Variants in BCR observed in about 807,000 individuals in gnomAD.
BCR encodes the protein breakpoint cluster region protein.
In BCR, 58 loss-of-function variants were observed where a neutral mutation model predicts 138.6. That is an observed-to-expected ratio of 0.42 (90% confidence interval 0.34 to 0.52). The LOEUF (loss-of-function observed/expected upper bound fraction) is 0.52, where lower values mean the gene tolerates loss of function less well. Among genes scored for constraint, BCR ranks in the 20% least tolerant of loss-of-function variants. The probability of loss-of-function intolerance (pLI) is 0.06; values close to 1 mark genes in which losing one functional copy is unlikely to be tolerated. For missense variants in BCR, 1,599 were observed against 1,727.2 expected (o/e 0.93, Z 1.32); for synonymous variants, 786 against 730.1 (o/e 1.08, Z -1.23).
intron 4 of BCR, among the ~76,000 whole-genome samples, chr22:23,266,561 T>C (rs2073443735): frequency 6.6e-6 from 1 of 152,164 alleles, no homozygotes; most frequent in Admixed American, 6.5e-5. Context: ...GTCTAATTTT[T>C]GTATTTTCAG....
chr22:23,233,200 TC>T (rs2072978329), intron 1 of BCR, among the ~76,000 whole-genome samples: 1 of 152,180 alleles, frequency 6.6e-6, no homozygotes, highest in African/African-American at 2.4e-5. Flanking sequence ...TGCCTGTAGT[TC>T]CATCTCCTGC....
chr22:23,189,978 G>A (rs28637025), intron 1 of BCR, among the ~76,000 whole-genome samples: 4,608 of 152,274 alleles, frequency 0.03, 248 homozygotes, highest in African/African-American at 0.11. Flanking sequence ...ACCAAGACTG[G>A]GTGGCTTAAA....
At chr22:23,280,541 C>A (rs2073631714) in intron 8 of BCR, among the ~76,000 whole-genome samples, 1 of 152,216 alleles carries the variant, frequency 6.6e-6, no homozygotes, top group African/African-American at 2.4e-5. Context: ...CTGCAGGTCG[C>A]AGTTTCATTT....
intron 1 of BCR, among the ~76,000 whole-genome samples, chr22:23,226,327 AGTGT>A (rs751492915): frequency 0.041 from 1,888 of 46,152 alleles, 22 homozygotes; most frequent in Admixed American, 0.083. Context: ...AGAGAGAGAG[AGTGT>A]GTGTGTGTGT....
chr22:23,225,927 T>C (rs1159998795), intron 1 of BCR, among the ~76,000 whole-genome samples: 1 of 152,246 alleles, frequency 6.6e-6, no homozygotes, highest in Admixed American at 6.5e-5. Context: ...TTTACACTGT[T>C]TGATTTCTTA....
intron 1 of BCR, among the ~76,000 whole-genome samples, chr22:23,242,483 C>T (rs954829360): frequency 2.0e-5 from 3 of 152,122 alleles, no homozygotes; most frequent in Non-Finnish European, 4.4e-5. Flanking sequence ...TGTAGCCATC[C>T]GGTGTATTTT....
At chr22:23,212,998 A>G (rs1480563085) in intron 1 of BCR, among the ~76,000 whole-genome samples, 1 of 152,210 alleles carries the variant, frequency 6.6e-6, no homozygotes, top group Non-Finnish European at 1.5e-5. Flanking sequence ...AGGACTGGCA[A>G]TCAGATGGGC....
rs376162963 is a variant in BCR at position 23,182,081 on chromosome 22, C to T, written c.1121C>T (p.Ser374Leu). Residue 374 changes from serine to leucine, a missense_variant, in exon 1 of 23, where the codon TCG becomes TTG. Ser to Leu is a moderately radical substitution (Grantham distance 145, BLOSUM62 -2). This residue lies in a region of BCR where 806 missense variants were observed against 635.0 expected (regional missense o/e 1.27). Transcript: ENST00000305877. Reference sequence around the variant, plus strand: ...AAAAGCCGCTCTCCCTCGCAGAACTCGCAACAGTCCTTCGACAGCAGCAGT... The same window carrying T: ...AAAAGCCGCTCTCCCTCGCAGAACTTGCAACAGTCCTTCGACAGCAGCAGT... ...RDKSRSPSQN[S>L]QQSFDSSSPP... The T allele has an allele frequency of 6.2e-7, 1 of 1,613,376 alleles. No individual in the cohort carries two copies. Among genetic ancestry groups the T allele is most frequent in the Non-Finnish European group, 8.5e-7 (1 of 1,180,042 alleles).
At chr22:23,240,667 A>G (rs2073079755) in intron 1 of BCR, among the ~76,000 whole-genome samples, 1 of 152,054 alleles carries the variant, frequency 6.6e-6, no homozygotes, top group African/African-American at 2.4e-5. Flanking sequence ...AAAAAAAAAG[A>G]AAAAGAAAAA....
intron 16 of BCR, among the ~76,000 whole-genome samples, chr22:23,301,081 A>T (rs1482353066): frequency 3.3e-5 from 5 of 152,254 alleles, no homozygotes; most frequent in African/African-American, 1.2e-4. Context: ...AGGAGGGCGG[A>T]TCATTTGACA....
chr22:23,260,886 GGGCCCTGAT>G (rs770497328), intron 2 of BCR, 55 bp from the exon 3 acceptor site: 2 of 1,469,968 alleles, frequency 1.4e-6, no homozygotes, highest in Non-Finnish European at 1.9e-6. Flanking sequence ...CTCTCTCAGA[GGGCCCTGAT>G]GGAAGAATCC....
chr22:23,229,225 G>A (rs1422115126), intron 1 of BCR, among the ~76,000 whole-genome samples: 1 of 151,416 alleles, frequency 6.6e-6, no homozygotes, highest in Non-Finnish European at 1.5e-5. Flanking sequence ...ATTTTTTTTG[G>A]CTGAGAAGGC....
chr22:23,181,309 C>T lies in BCR; in HGVS notation c.349C>T (p.Pro117Ser), dbSNP rs770542234. The T allele has an allele frequency of 1.5e-6, 2 of 1,365,090 alleles. No individual in the cohort carries two copies. Among genetic ancestry groups the T allele is most frequent in the Non-Finnish European group, 1.9e-6 (2 of 1,058,700 alleles). The allele number at this position is 1,365,090 out of a possible 1,614,324, so 84.6% of individuals were successfully genotyped here. The change falls in exon 1 of 23, where the codon CCC becomes TCC. Residue 117 changes from proline (P) to serine (S), a missense_variant. By Grantham distance (74) the Pro-to-Ser change is moderately conservative. Around this residue, in one of 4 missense-constraint regions of BCR, gnomAD observed 806 missense variants for 635.0 expected, o/e 1.27. Coordinates refer to ENST00000305877, the MANE Select transcript of BCR (RefSeq NM_004327.4). ...PPPAEEPEAR[P>S]DGEGSPGKAR... is the part of the protein sequence containing the mutation. The stretch of plus-strand genomic sequence containing the variant: ...GCCCGCCGAGGAGCCCGAGGCCCGG[C>T]CCGACGGCGAGGGTTCTCCGGGTAA...
chr22:23,201,219 C>T (rs771844499), intron 1 of BCR, among the ~76,000 whole-genome samples: 1 of 152,252 alleles, frequency 6.6e-6, no homozygotes, highest in Non-Finnish European at 1.5e-5. Context: ...GCTGGCTCCT[C>T]TGCTTGGGGT....
chr22:23,241,702 G>A (rs937902916), intron 1 of BCR, among the ~76,000 whole-genome samples: 2 of 152,054 alleles, frequency 1.3e-5, no homozygotes, highest in East Asian at 1.9e-4. Flanking sequence ...CTCACTGTGC[G>A]TCAGTGCCCC....
At chr22:23,293,609 A>G (rs978098172) in intron 15 of BCR, among the ~76,000 whole-genome samples, 3 of 152,180 alleles carry the variant, frequency 2.0e-5, no homozygotes, top group Non-Finnish European at 4.4e-5. Flanking sequence ...GCAGAGACCA[A>G]GAGTGCCACG....
rs530000835 is a variant in BCR, at chr22:23,242,111, T to C, written c.1280-11688T>C. On this transcript the variant is annotated intron_variant, in intron 1 of 22. Coordinates refer to ENST00000305877, the MANE Select transcript of BCR (RefSeq NM_004327.4). ...AAATGTCATTAGTTTTACAGGTGCA[T>C]GGGAAACTTCACCAGAGTCAAGTCC... Among the ~76,000 whole-genome samples, 4 of 152,254 alleles carry C rather than the reference T, an allele frequency of 2.6e-5. No individual in the cohort carries two copies. In the East Asian group the frequency reaches 7.7e-4, roughly 29 times the overall value.
intron 15 of BCR, among the ~76,000 whole-genome samples, chr22:23,293,636 A>G (rs1438793489): frequency 6.6e-6 from 1 of 152,064 alleles, no homozygotes; most frequent in African/African-American, 2.4e-5. Context: ...CAGAGACAAC[A>G]AGAGAGGGTG....
chr22:23,288,541 C>G (rs1030191712), intron 12 of BCR, among the ~76,000 whole-genome samples: 1 of 151,904 alleles, frequency 6.6e-6, no homozygotes, highest in African/African-American at 2.4e-5. Context: ...CTAGTCCTTT[C>G]TGGGACCCTG....
Sources: gnomAD v4.1 joint callset for allele counts (sites outside exome capture counted in the v4.1 genomes callset) on GRCh38, gnomAD v4.1.1 for gene constraint, gnomAD v4.1.1 regional missense constraint, MANE v1.5 for transcripts, NCBI Gene and HGNC (gene_info 2026-07-23, HGNC 2026-07-21) for gene names.